PSAT1: variants seen among roughly 807,000 people sequenced by gnomAD.
PSAT1 encodes the protein phosphoserine aminotransferase 1, also known as phosphoserine aminotransferase.
PSAT1 carries 41 observed loss-of-function variants against 40.3 expected under a neutral mutation model. That is an observed-to-expected ratio of 1.02 (90% CI 0.79 to 1.32). The LOEUF (loss-of-function observed/expected upper bound fraction) is 1.32. Among genes scored for constraint, PSAT1 ranks in the 40% most tolerant of loss-of-function variants. The pLI, the probability that PSAT1 is intolerant of heterozygous loss-of-function variation, is 0.00. For missense variants in PSAT1, 406 were observed against 455.8 expected (o/e 0.89, Z 0.99); for synonymous variants, 147 against 170.5 (o/e 0.86, Z 1.07).
At chr9:78,298,221 C>G (rs1047496357) in intron 1 of PSAT1, 1 of 970,846 alleles carries the variant, frequency 1.0e-6, no homozygotes, top group African/African-American at 1.8e-5. Context: ...GCAAAGTCTC[C>G]GATGTGCCTT....
chr9:78,316,193 G>A (rs1267123388), intron 6 of PSAT1, among the ~76,000 whole-genome samples: 1 of 152,180 alleles, frequency 6.6e-6, no homozygotes, highest in Non-Finnish European at 1.5e-5. Context: ...TGCCATTTGT[G>A]TGGCCCACCT....
rs1047496357 is a variant in PSAT1 at position 78,298,221 on chromosome 9, C to T, written c.60+951C>T. 5.2e-6 allele frequency: 5 copies of T among 970,846 alleles called. No individual in the cohort carries two copies. The African/African-American group carries it at 8.8e-5, about 17-fold the overall frequency. The allele number at this position is 970,846 out of a possible 1,614,324, so 60.1% of individuals were successfully genotyped here. A position where few individuals can be genotyped will look rare whatever the true frequency, so the allele number is the denominator to read the frequency against. On this transcript the variant is annotated intron_variant, in intron 1 of 8. Coordinates refer to ENST00000376588, the MANE Select transcript of PSAT1 (RefSeq NM_058179.4). ...CCCGCAGTGAAGAAGGCAAAGTCTC[C>T]GATGTGCCTTGAGCCCATTGTCAGG... is the stretch of plus-strand genomic sequence containing the variant.
chr9:78,326,953 A>ATTTTTTTTTT (rs1397133333), intron 7 of PSAT1, among the ~76,000 whole-genome samples: 9 of 81,464 alleles, frequency 1.1e-4, no homozygotes, highest in African/African-American at 6.4e-4. Flanking sequence ...ATATATATAT[A>ATTTTTTTTTT]TATTTTTTTT....
At chr9:78,315,733 G>A (rs1828334364) in intron 6 of PSAT1, among the ~76,000 whole-genome samples, 1 of 152,230 alleles carries the variant, frequency 6.6e-6, no homozygotes. Flanking sequence ...GAGCTGGCAT[G>A]AGCCACTGCA....
In PSAT1 at chr9:78,317,674, A is replaced by G. The variant is rs769629414; in HGVS notation, c.741-2A>G. 1 of 1,613,328 alleles carries G rather than the reference A, an allele frequency of 6.2e-7. No individual in the cohort carries two copies. The highest frequency in any genetic ancestry group is 8.5e-7 in the Non-Finnish European group (1 of 1,179,818). On this transcript the variant is annotated splice_acceptor_variant, in intron 6 of 8. Coordinates refer to ENST00000376588, the MANE Select transcript of PSAT1 (RefSeq NM_058179.4). LOFTEE classifies it high-confidence loss of function. The stretch of plus-strand genomic sequence containing the variant: ...CGGATTTTTTAAAAATCTTCATTTT[A>G]GCATCTACGTCATGGGCTTGGTTCT...
At chr9:78,298,193 C>T (rs1828055689) in intron 1 of PSAT1, 1 of 753,840 alleles carries the variant, frequency 1.3e-6, no homozygotes, top group South Asian at 5.9e-5. Context: ...GTCCCCAGCC[C>T]CACCCGCAGT....
intron 2 of PSAT1, among the ~76,000 whole-genome samples, chr9:78,300,925 A>G (rs900313140): frequency 3.3e-5 from 5 of 151,928 alleles, no homozygotes; most frequent in East Asian, 1.9e-4. Context: ...ATCCCATGAG[A>G]TGGGATCTCA....
intron 7 of PSAT1, among the ~76,000 whole-genome samples, chr9:78,318,118 T>TACA (rs1828376132): frequency 6.6e-6 from 1 of 152,188 alleles, no homozygotes; most frequent in South Asian, 2.1e-4. Context: ...CTCCTTTGTA[T>TACA]ATCTTCTGGG....
At chr9:78,297,468 G>A (rs972182547) in intron 1 of PSAT1, among the ~76,000 whole-genome samples, 198 bp downstream of exon 1, 1 of 152,242 alleles carries the variant, frequency 6.6e-6, no homozygotes, top group African/African-American at 2.4e-5. Context: ...GAGGAAGCTC[G>A]GCGAGGCGTG....
In PSAT1 at chr9:78,302,856, C is replaced by A. The variant is rs1001944876; in HGVS notation, c.191+833C>A. ...TTTGGGTAATTGTAAGAGTTCTGAA[C>A]TGTAGGAACTACTGCTTAGACGAAA... On this transcript the variant is annotated intron_variant, in intron 3 of 8. Coordinates refer to ENST00000376588, the MANE Select transcript of PSAT1 (RefSeq NM_058179.4). Among the ~76,000 whole-genome samples, 8 of 151,842 alleles carry A rather than the reference C, an allele frequency of 5.3e-5. No homozygotes were observed. The East Asian group carries it at 7.7e-4, about 15-fold the overall frequency.
chr9:78,324,291 T>C (rs1423145429), intron 7 of PSAT1, among the ~76,000 whole-genome samples: 1 of 152,182 alleles, frequency 6.6e-6, no homozygotes, highest in Non-Finnish European at 1.5e-5. Flanking sequence ...TTTCCTAAGT[T>C]TCTCTGGCCA....
intron 6 of PSAT1, 26 bp from the exon 7 acceptor site, chr9:78,317,650 G>A (rs371650514): frequency 2.0e-5 from 33 of 1,611,456 alleles, no homozygotes; most frequent in African/African-American, 2.0e-4. Flanking sequence ...TGAGCTAAAC[G>A]GATTTTTTAA....
At chr9:78,327,969 T>C in intron 7 of PSAT1, 82 bp from the exon 8 acceptor site, 1 of 1,492,034 alleles carries the variant, frequency 6.7e-7, no homozygotes, top group Non-Finnish European at 9.3e-7. Context: ...TAGGAAGTGT[T>C]AAGAAAAAAA....
Position 78,313,012 on chromosome 9 carries a change from CT to C in PSAT1, c.740+4433del, listed in dbSNP as rs1222007532. Among the ~76,000 whole-genome samples the C allele has an allele frequency of 4.6e-5, 7 of 152,260 alleles. No homozygotes were observed. The South Asian group carries it at 1.5e-3, about 32-fold the overall frequency. On this transcript the variant is annotated intron_variant, in intron 6 of 8. Transcript: ENST00000376588. ...GTTTTCCAGGGGACTTTCTGGTGTC[CT>C]TTTCTAAGCCCTGGTGCACAGGGAC...
At chr9:78,302,276 T>A (rs1383782518) in intron 3 of PSAT1, among the ~76,000 whole-genome samples, 1 of 152,220 alleles carries the variant, frequency 6.6e-6, no homozygotes. Flanking sequence ...TAGGAATGAT[T>A]TTTCAGCACT....
At chr9:78,309,731 G>A (rs996446232) in intron 6 of PSAT1, among the ~76,000 whole-genome samples, 1 of 152,122 alleles carries the variant, frequency 6.6e-6, no homozygotes, top group African/African-American at 2.4e-5. Context: ...GCTGACTGGG[G>A]GCTGCGTTGC....
intron 7 of PSAT1, among the ~76,000 whole-genome samples, chr9:78,325,636 C>A (rs565756131): frequency 6.6e-6 from 1 of 152,352 alleles, no homozygotes; most frequent in East Asian, 1.9e-4. Context: ...CTTTGCAGCC[C>A]TTGGCTGTTA....
chr9:78,326,059 C>G (rs1464705489), intron 7 of PSAT1, among the ~76,000 whole-genome samples: 2 of 152,176 alleles, frequency 1.3e-5, no homozygotes, highest in African/African-American at 4.8e-5. Context: ...GCCGTGAAAC[C>G]TACCACTTCG....
intron 6 of PSAT1, among the ~76,000 whole-genome samples, 170 bp from the exon 7 acceptor site, chr9:78,317,506 C>T (rs1044257855): frequency 1.3e-4 from 20 of 152,236 alleles, no homozygotes; most frequent in Admixed American, 1.3e-3. Flanking sequence ...CGGCCTCGGC[C>T]TTCCAAAGTG....
Sources: gnomAD v4.1 joint callset for allele counts (sites outside exome capture counted in the v4.1 genomes callset) on GRCh38, gnomAD v4.1.1 for gene constraint, MANE v1.5 for transcripts, NCBI Gene and HGNC (gene_info 2026-07-23, HGNC 2026-07-21) for gene names.